Variants in EYS observed in about 807,000 individuals in gnomAD.
EYS encodes the protein EGF-like photoreceptor maintenance factor, also known as protein eyes shut homolog.
In EYS, 250 loss-of-function variants were observed where a neutral mutation model predicts 282.1. The observed-to-expected ratio is 0.89, with a 90% CI of 0.80 to 0.98. The LOEUF is 0.98. Among genes scored for constraint, EYS ranks in the 50% least tolerant of loss-of-function variants. The pLI is 0.00. For missense variants in EYS, 4,016 were observed against 3,709.0 expected (o/e 1.08, Z -2.15); for synonymous variants, 1,355 against 1,282.9 (o/e 1.06, Z -1.20).
chr6:63,944,865 T>A (rs954552319), intron 35 of EYS, among the ~76,000 whole-genome samples: 5 of 151,746 alleles, frequency 3.3e-5, no homozygotes, highest in Admixed American at 3.3e-4. Flanking sequence ...ACCCTGGAGG[T>A]GGAGGTTGCA....
At chr6:65,255,131 C>T (rs924969785) in intron 12 of EYS, among the ~76,000 whole-genome samples, 7 of 151,834 alleles carry the variant, frequency 4.6e-5, no homozygotes, top group Non-Finnish European at 7.4e-5. Context: ...TCAAATTATG[C>T]TATAGAGCTA....
At chr6:65,472,931 T>G (rs529552394) in intron 5 of EYS, among the ~76,000 whole-genome samples, 37 of 152,032 alleles carry the variant, frequency 2.4e-4, no homozygotes, top group African/African-American at 8.7e-4. Flanking sequence ...GGTCCCTAGG[T>G]TATGCTTTCA....
intron 33 of EYS, among the ~76,000 whole-genome samples, chr6:64,034,807 T>C (rs1770030654): frequency 6.6e-6 from 1 of 151,766 alleles, no homozygotes; most frequent in Admixed American, 6.6e-5. Context: ...CAGTGAATAA[T>C]GACAAGCAAC....
chr6:64,148,624 TAAAATCAGAATCTTGTA>T lies in EYS; in HGVS notation c.6425-66639_6425-66623del, dbSNP rs1774600062. On this transcript the variant is annotated intron_variant, in intron 31 of 42. Coordinates refer to ENST00000503581, the MANE Select transcript of EYS (RefSeq NM_001142800.2). ...ACTGTTTGCCTCACTGACAGTCCTA[TAAAATCAGAATCTTGTA>T]TTTTTTTACCCTAAAATTGATCTTA... 2.0e-5 allele frequency among the ~76,000 whole-genome samples: 3 copies of T among 152,186 alleles called. No homozygotes were observed. The South Asian group carries it at 6.2e-4, about 31-fold the overall frequency.
intron 14 of EYS, among the ~76,000 whole-genome samples, chr6:64,980,644 T>C (rs1770628780): frequency 6.6e-6 from 1 of 151,380 alleles, no homozygotes; most frequent in Non-Finnish European, 1.5e-5. Context: ...TTATATGTTG[T>C]ATATGCTTTG....
At chr6:63,883,787 T>A (rs1581931855) in intron 35 of EYS, among the ~76,000 whole-genome samples, 1 of 152,322 alleles carries the variant, frequency 6.6e-6, no homozygotes, top group Middle Eastern at 3.4e-3. Context: ...CCCATTTAGT[T>A]CCTTTGTGCT....
chr6:65,091,499 A>G (rs918390534), intron 12 of EYS, among the ~76,000 whole-genome samples: 2 of 139,928 alleles, frequency 1.4e-5, no homozygotes, highest in South Asian at 2.3e-4. Context: ...GCTTAATAAT[A>G]AAAAGAAGTT....
chr6:65,511,261 T>C (rs1458715642), intron 2 of EYS, among the ~76,000 whole-genome samples: 5 of 152,168 alleles, frequency 3.3e-5, no homozygotes, highest in Non-Finnish European at 7.3e-5. Context: ...AATTATTCTT[T>C]AAAGAGTATG....
intron 31 of EYS, among the ~76,000 whole-genome samples, chr6:64,141,195 GAT>G (rs1774326733): frequency 6.6e-6 from 1 of 152,250 alleles, no homozygotes; most frequent in African/African-American, 2.4e-5. Flanking sequence ...TGGCTTGTGA[GAT>G]ACCTAGAGAT....
chr6:65,650,205 T>C (rs915207541), intron 1 of EYS, among the ~76,000 whole-genome samples: 2 of 152,174 alleles, frequency 1.3e-5, no homozygotes, highest in African/African-American at 2.4e-5. Context: ...ACTGAGTATC[T>C]ATACCATATA....
intron 2 of EYS, among the ~76,000 whole-genome samples, chr6:65,577,473 T>C (rs907887448): frequency 2.0e-5 from 3 of 151,622 alleles, no homozygotes; most frequent in Non-Finnish European, 4.4e-5. Context: ...ATACAACTAC[T>C]AGGAAAAAAC....
At chr6:65,552,798 A>G (rs537741201) in intron 2 of EYS, among the ~76,000 whole-genome samples, 1 of 152,266 alleles carries the variant, frequency 6.6e-6, no homozygotes, top group Admixed American at 6.5e-5. Context: ...ATTATCTTTC[A>G]TATTAGAGCT....
chr6:65,403,596 A>G (rs566274996), intron 6 of EYS, among the ~76,000 whole-genome samples: 2 of 152,188 alleles, frequency 1.3e-5, no homozygotes, highest in Admixed American at 1.3e-4. Context: ...CCAACCTCAT[A>G]CATGGTAGCA....
rs536309103 is a variant in EYS at position 65,698,823 on chromosome 6, A to C, written c.-448+8312T>G. ...TAGTTAATTCTTGAAGTTTTTTCTA[A>C]AATTCCCCACAGAAACCATTAAACA... On this transcript the variant is annotated intron_variant, in intron 1 of 42. Transcript: ENST00000503581. 1.1e-4 allele frequency among the ~76,000 whole-genome samples: 16 copies of C among 152,298 alleles called. No homozygotes were observed. In the South Asian group the frequency reaches 3.3e-3, roughly 32 times the overall value.
intron 1 of EYS, among the ~76,000 whole-genome samples, chr6:65,690,333 C>A (rs1230087175): frequency 6.7e-6 from 1 of 149,942 alleles, no homozygotes; most frequent in Non-Finnish European, 1.5e-5. Flanking sequence ...CTAAACAGAC[C>A]TAGAAGACCC....
At chr6:64,477,231 T>G (rs1776298905) in intron 26 of EYS, among the ~76,000 whole-genome samples, 1 of 152,142 alleles carries the variant, frequency 6.6e-6, no homozygotes, top group South Asian at 2.1e-4. Flanking sequence ...ACCTACAGAT[T>G]TAATGCTGCA....
chr6:64,815,840 C>T (rs1312206733), intron 21 of EYS, among the ~76,000 whole-genome samples: 1 of 151,912 alleles, frequency 6.6e-6, no homozygotes, highest in Non-Finnish European at 1.5e-5. Flanking sequence ...AGGAAATGTA[C>T]AGGAGCATGA....
At chr6:64,452,411 A>G (rs989131069) in intron 26 of EYS, among the ~76,000 whole-genome samples, 10 of 152,330 alleles carry the variant, frequency 6.6e-5, no homozygotes, top group African/African-American at 2.4e-4. Flanking sequence ...AAGAATCAAT[A>G]TCGTGAAAAT....
intron 33 of EYS, among the ~76,000 whole-genome samples, chr6:64,058,271 A>AC (rs377504715): frequency 0.091 from 10,411 of 114,720 alleles, 531 homozygotes; most frequent in African/African-American, 0.28. Context: ...TAAACCTCTT[A>AC]AAAAAAAAAA....
Sources: gnomAD v4.1 joint callset for allele counts (sites outside exome capture counted in the v4.1 genomes callset) on GRCh38, gnomAD v4.1.1 for gene constraint, MANE v1.5 for transcripts, NCBI Gene and HGNC (gene_info 2026-07-23, HGNC 2026-07-21) for gene names.